Variants in CSK observed in about 807,000 individuals in gnomAD.
CSK encodes C-terminal Src kinase.
Under a neutral mutation model 62.3 loss-of-function variants are expected in CSK, and 7 were observed. The ratio of observed to expected loss-of-function variants is 0.11; its 90% confidence interval spans 0.06 to 0.21. The LOEUF is 0.21. Ranked by LOEUF, CSK falls within the 10% of genes least tolerant of loss-of-function variation. The pLI, the probability that CSK is intolerant of heterozygous loss-of-function variation, is 1.00. For synonymous variants in CSK, 237 were observed against 246.0 expected (o/e 0.96, Z 0.34); for missense variants, 294 against 613.5 (o/e 0.48, Z 5.50).
rs766266192 is a variant in CSK at position 74,800,395 on chromosome 15, C to A, written c.463-17C>A. The A allele has an allele frequency of 2.4e-5, 39 of 1,610,572 alleles. No individual in the cohort carries two copies. The East Asian group carries it at 8.5e-4, about 35-fold the overall frequency. On this transcript the variant is annotated splice_polypyrimidine_tract_variant and intron_variant, in intron 5 of 12. Coordinates refer to ENST00000220003, the MANE Select transcript of CSK (RefSeq NM_004383.3). ...CCTTGGGCTGTCTCTGAGCACCCTG[C>A]CCCCCACACCCTGCAGCACTACACC...
intron 1 of CSK, among the ~76,000 whole-genome samples, chr15:74,791,844 TTAGTGTCCATGCGTCACCTTGC>T (rs1205453011): frequency 2.6e-5 from 4 of 152,242 alleles, no homozygotes; most frequent in African/African-American, 9.6e-5. Context: ...CAGGAGGCAC[TTAGTGTCCATGCGTCACCTTGC>T]TGGTGATGCT....
rs774239919 is a variant in CSK at position 74,798,585 on chromosome 15, G to A, written c.16-30G>A. ...CAGGTGGCTGGAGGGGGCCCAGGCT[G>A]CACCCGCCCACGTGTCACCTGCCTT... On this transcript the variant is annotated intron_variant, in intron 2 of 12. Coordinates refer to ENST00000220003, the MANE Select transcript of CSK (RefSeq NM_004383.3). The surrounding 1 kb of genome is among the most constrained non-coding windows in gnomAD (Gnocchi z 6.6). The A allele has an allele frequency of 1.3e-6, 2 of 1,594,680 alleles. No individual in the cohort carries two copies. Among genetic ancestry groups the A allele is most frequent in the Non-Finnish European group, 1.7e-6 (2 of 1,164,312 alleles).
At chr15:74,786,934 G>A (rs1196713603) in intron 1 of CSK, among the ~76,000 whole-genome samples, 1 of 152,236 alleles carries the variant, frequency 6.6e-6, no homozygotes, top group Non-Finnish European at 1.5e-5. Flanking sequence ...CCTGGTCTTA[G>A]TGTAAGGGAA....
At chr15:74,792,431 A>C (rs1413349868) in intron 1 of CSK, among the ~76,000 whole-genome samples, 1 of 152,172 alleles carries the variant, frequency 6.6e-6, no homozygotes, top group Non-Finnish European at 1.5e-5. Flanking sequence ...AAGTCCCAGA[A>C]AGGTCAAGTG....
At chr15:74,783,796 G>A (rs1055082726) in intron 1 of CSK, among the ~76,000 whole-genome samples, 1 of 152,204 alleles carries the variant, frequency 6.6e-6, no homozygotes, top group African/African-American at 2.4e-5. Flanking sequence ...TCCTGGCCCC[G>A]GCTCTGAGTT....
Position 74,782,248 on chromosome 15 carries a change from G to C in CSK, c.-538G>C, listed in dbSNP as rs1245776269. ...TGCCGGGGTGGGGTCCGAGCCGGGC[G>C]ACCGCCCGGCTGCGCCGCCGTCGGG... is the stretch of plus-strand genomic sequence containing the variant. On this transcript the variant is annotated 5_prime_UTR_variant, in exon 1 of 13. Coordinates refer to ENST00000220003, the MANE Select transcript of CSK (RefSeq NM_004383.3). The surrounding 1 kb of genome is among the most constrained non-coding windows in gnomAD (Gnocchi z 5.7). The C allele has an allele frequency of 6.7e-6, 1 of 148,744 alleles. No homozygotes were observed. Among genetic ancestry groups the C allele is most frequent in the African/African-American group, 2.4e-5 (1 of 40,966 alleles). 9.2% of individuals were successfully genotyped at this position (148,744 alleles called of 1,614,324 possible). A position where few individuals can be genotyped will look rare whatever the true frequency, so the allele number is the denominator to read the frequency against.
intron 1 of CSK, among the ~76,000 whole-genome samples, chr15:74,783,251 GGCCTAA>G (rs1158621966): frequency 6.6e-6 from 1 of 152,230 alleles, no homozygotes; most frequent in African/African-American, 2.4e-5. Context: ...CAGAAGACCA[GGCCTAA>G]GCCAAGGGAT....
In CSK at chr15:74,798,231, A is replaced by G; in HGVS notation, c.-65-2A>G. 1 of 1,511,888 alleles carries G rather than the reference A, an allele frequency of 6.6e-7. No homozygotes were observed. Among genetic ancestry groups the G allele is most frequent in the Non-Finnish European group, 8.9e-7 (1 of 1,128,074 alleles). The allele number at this position is 1,511,888 out of a possible 1,614,324, so 93.7% of individuals were successfully genotyped here. On this transcript the variant is annotated splice_acceptor_variant, in intron 1 of 12. Transcript: ENST00000220003. LOFTEE classifies it low-confidence loss of function (5UTR_SPLICE). The surrounding 1 kb of genome is among the most constrained non-coding windows in gnomAD (Gnocchi z 6.6). Reference sequence around the variant, plus strand: ...CCTCAGTCTTCATGCTCTTCCCCACAGCTCTAATGGTACCAAGTGACAGGT... The same window carrying G: ...CCTCAGTCTTCATGCTCTTCCCCACGGCTCTAATGGTACCAAGTGACAGGT...
In CSK at chr15:74,799,304, C is replaced by G. The variant is rs2063753413; in HGVS notation, c.275C>G (p.Ala92Gly). The G allele has an allele frequency of 6.2e-7, 1 of 1,611,398 alleles. No homozygotes were observed. The highest frequency in any genetic ancestry group is 8.5e-7 in the Non-Finnish European group (1 of 1,179,798). The change falls in exon 5 of 13, where the codon GCT becomes GGT. Residue 92 changes from alanine to glycine, a missense_variant. By Grantham distance (60) the Ala-to-Gly change is moderately conservative. Around this residue, in one of 3 missense-constraint regions of CSK, gnomAD observed 202 missense variants for 415.7 expected, o/e 0.49. Coordinates refer to ENST00000220003, the MANE Select transcript of CSK (RefSeq NM_004383.3). ...CACGGCAAGATCACACGGGAGCAGG[C>G]TGAGCGGCTTCTGTACCCGCCGGAG... ...WFHGKITREQ[A>G]ERLLYPPETG...
chr15:74,800,336 C>T (rs1397793418), intron 5 of CSK, 76 bp from the exon 6 acceptor site: 1 of 1,356,382 alleles, frequency 7.4e-7, no homozygotes, highest in Non-Finnish European at 1.0e-6. Context: ...CTGCCGCCCT[C>T]TGGTGGTCAG....
In CSK at chr15:74,799,323, G is replaced by A. The variant is rs2229729; in HGVS notation, c.294G>A (p.Pro98=). The change falls in exon 5 of 13, where the codon CCG becomes CCA. Residue 98 remains proline, a synonymous_variant. Coordinates refer to ENST00000220003, the MANE Select transcript of CSK (RefSeq NM_004383.3). ...AGCAGGCTGAGCGGCTTCTGTACCC[G>A]CCGGAGACAGGCCTGTTCCTGGTGC... The part of the protein sequence containing the change: ...TREQAERLLY[P]PETGLFLVRE... 20,420 of 1,612,202 alleles carry A rather than the reference G, an allele frequency of 0.013. 833 individuals carry two copies. In the East Asian group the frequency reaches 0.16, roughly 13 times the overall value.
At chr15:74,799,897 C>T (rs558516800) in intron 5 of CSK, among the ~76,000 whole-genome samples, 73 of 152,336 alleles carry the variant, frequency 4.8e-4, no homozygotes, top group Admixed American at 1.5e-3. Flanking sequence ...GCGCCTTGAT[C>T]GCCAGGGCCC....
In CSK at chr15:74,798,094, A is replaced by G. The variant is rs34125631; in HGVS notation, c.-65-139A>G. On this transcript the variant is annotated intron_variant, in intron 1 of 12. Transcript: ENST00000220003. This position sits in a 1 kb window ranked among gnomAD's most constrained non-coding sequence, Gnocchi z 6.6. ...TACCCAGTACCGTCAGCCTGCCAGG[A>G]CTGGAGAGAATGGCCCATGTGTCAA... 1.4e-4 allele frequency: 80 copies of G among 579,522 alleles called. No homozygotes were observed. The highest frequency in any genetic ancestry group is 2.3e-4 in the Non-Finnish European group (76 of 329,052). The allele number at this position is 579,522 out of a possible 1,614,324, so 35.9% of individuals were successfully genotyped here.
At chr15:74,800,797 G>A (rs370699321) in intron 7 of CSK, 26 bp from the exon 8 acceptor site, 1 of 1,601,952 alleles carries the variant, frequency 6.2e-7, no homozygotes, top group Non-Finnish European at 8.5e-7. Flanking sequence ...CCGAACTTGG[G>A]AACAAGACCA....
chr15:74,802,621 T>G lies in CSK; in HGVS notation c.*108T>G. The stretch of plus-strand genomic sequence containing the variant: ...GAGCCTGAACTGAGCCCCAGCGGGC[T>G]GGCGGGCCTTTTTCCTGCGTCCCAG... On this transcript the variant is annotated 3_prime_UTR_variant, in exon 13 of 13. Transcript: ENST00000220003. 1 of 1,418,186 alleles carries G rather than the reference T, an allele frequency of 7.1e-7. No individual in the cohort carries two copies. Among genetic ancestry groups the G allele is most frequent in the Non-Finnish European group, 9.5e-7 (1 of 1,051,320 alleles). 87.9% of individuals were successfully genotyped at this position (1,418,186 alleles called of 1,614,324 possible). A position where few individuals can be genotyped will look rare whatever the true frequency, so the allele number is the denominator to read the frequency against.
At chr15:74,783,018 G>A (rs535545518) in intron 1 of CSK, among the ~76,000 whole-genome samples, 2 of 152,350 alleles carry the variant, frequency 1.3e-5, no homozygotes, top group Admixed American at 6.5e-5. Flanking sequence ...GGAGTCTGGA[G>A]GAAGAGGATC....
intron 9 of CSK, 144 bp from the exon 10 acceptor site, chr15:74,801,378 C>T (rs564626792): frequency 3.3e-5 from 25 of 767,316 alleles, no homozygotes; most frequent in East Asian, 2.4e-4. Flanking sequence ...GAGCAGTGTC[C>T]GGCATGGATG....
intron 1 of CSK, among the ~76,000 whole-genome samples, chr15:74,784,305 A>C (rs1253643725): frequency 2.0e-5 from 3 of 151,968 alleles, no homozygotes; most frequent in Non-Finnish European, 4.4e-5. Flanking sequence ...ACATGGCCCC[A>C]CACCCAGCCC....
Position 74,798,855 on chromosome 15 carries a change from G to T in CSK, c.159G>T (p.Lys53Asn), listed in dbSNP as rs1481958129. 2 of 1,583,168 alleles carry T rather than the reference G, an allele frequency of 1.3e-6. No homozygotes were observed. The highest frequency in any genetic ancestry group is 3.5e-5 in the Admixed American group (2 of 56,630). ...KDPNWYKAKN[K>N]VGREGIIPAN... ...CCAACTGGTACAAAGCCAAAAACAA[G>T]GTGGGCCGTGAGGGCATCATCCCAG... is the stretch of plus-strand genomic sequence containing the variant. Residue 53 changes from lysine to asparagine, a missense_variant, in exon 4 of 13, where the codon AAG becomes AAT. Coordinates refer to ENST00000220003, the MANE Select transcript of CSK (RefSeq NM_004383.3). This position sits in a 1 kb window ranked among gnomAD's most constrained non-coding sequence, Gnocchi z 6.6.
Sources: allele counts gnomAD v4.1 joint callset (sites outside exome capture counted in the v4.1 genomes callset), GRCh38; gene constraint gnomAD v4.1.1; regional missense constraint gnomAD v4.1.1; non-coding constraint Gnocchi (gnomAD v3.1); transcripts MANE v1.5; gene names NCBI Gene and HGNC (gene_info 2026-07-23, HGNC 2026-07-21).